The following EFHD1 variants were observed in gnomAD, a reference collection of about 807,000 sequenced individuals.
EFHD1 encodes EF-hand domain-containing protein D1.
A neutral mutation model predicts 17.2 loss-of-function variants in EFHD1; 10 were observed. That is an observed-to-expected ratio of 0.58 (90% confidence interval 0.36 to 0.99). EFHD1 has a LOEUF of 0.99. Ranked by LOEUF, EFHD1 falls within the 50% of genes least tolerant of loss-of-function variation. EFHD1 has a pLI of 0.01. For synonymous variants in EFHD1, 153 were observed against 142.0 expected (o/e 1.08, Z -0.55); for missense variants, 310 against 327.5 (o/e 0.95, Z 0.41).
At position 232,662,913 on chromosome 2, in the gene EFHD1, G is replaced by A. The variant is rs746700233; in HGVS notation, c.414G>A (p.Val138=). ...HLGLKSMIKE[V]DEDFDGKLSF... Reference sequence around the variant, plus strand: ...GCCTGAAGAGCATGATCAAGGAGGTGGATGAGGACTTCGATGGCAAGCTCA... The same window carrying A: ...GCCTGAAGAGCATGATCAAGGAGGTAGATGAGGACTTCGATGGCAAGCTCA... The change falls in exon 2 of 4, where the codon GTG becomes GTA. Residue 138 remains valine, a synonymous_variant. Transcript: ENST00000264059. 8.8e-6 allele frequency: 14 copies of A among 1,593,252 alleles called. No individual in the cohort carries two copies. Among genetic ancestry groups the A allele is most frequent in the Non-Finnish European group, 1.1e-5 (13 of 1,172,326 alleles).
upstream of EFHD1, among the ~76,000 whole-genome samples, chr2:232,631,278 C>T (rs1276533003): frequency 6.6e-6 from 1 of 151,476 alleles, no homozygotes; most frequent in Non-Finnish European, 1.5e-5. Context: ...CTCTCTCTCT[C>T]TCTTTCTTTC....
At chr2:232,610,732 C>G (rs1693801311) in intron 1 of EFHD1, 1 of 152,044 alleles carries the variant, frequency 6.6e-6, no homozygotes, top group African/African-American at 2.4e-5. Flanking sequence ...AAAAAATTAC[C>G]TGGGTGTGGT....
At chr2:232,614,057 T>TACACATGCACACACATACATATAC (rs144688838) in intron 1 of EFHD1, among the ~76,000 whole-genome samples, 89,627 of 149,774 alleles carry the variant, frequency 0.6, 27,129 homozygotes, top group East Asian at 0.68. Context: ...CACACATACA[T>TACACATGCACACACATACATATAC]ACACATGCAC....
intron 1 of EFHD1, among the ~76,000 whole-genome samples, chr2:232,639,040 G>T (rs535118624): frequency 1.3e-5 from 2 of 152,132 alleles, no homozygotes; most frequent in African/African-American, 4.8e-5. Flanking sequence ...TTGCCAGCAC[G>T]CATGATTAAC....
intron 1 of EFHD1, among the ~76,000 whole-genome samples, chr2:232,659,956 C>T (rs1469253989): frequency 1.3e-5 from 2 of 152,024 alleles, no homozygotes; most frequent in Non-Finnish European, 2.9e-5. Flanking sequence ...CCAGGTCTTG[C>T]AAGAACTCAC....
intron 1 of EFHD1, among the ~76,000 whole-genome samples, chr2:232,627,034 C>CTA (rs1169218389): frequency 3.1e-5 from 2 of 64,186 alleles, no homozygotes; most frequent in East Asian, 1.1e-3. Context: ...CTCTCTCTCT[C>CTA]TCTATATATA....
chr2:232,625,658 G>T (rs1694093357), intron 1 of EFHD1, among the ~76,000 whole-genome samples: 1 of 152,040 alleles, frequency 6.6e-6, no homozygotes, highest in East Asian at 1.9e-4. Flanking sequence ...AAAGAAATAA[G>T]GTAGATTAAT....
chr2:232,618,457 G>A (rs375428324), intron 1 of EFHD1, among the ~76,000 whole-genome samples: 39 of 151,906 alleles, frequency 2.6e-4, no homozygotes, highest in Middle Eastern at 3.4e-3. Flanking sequence ...GTGTGGTGGC[G>A]TGCGCCTATA....
At chr2:232,609,635 C>A (rs995339492) in intron 1 of EFHD1, among the ~76,000 whole-genome samples, 1 of 152,076 alleles carries the variant, frequency 6.6e-6, no homozygotes, top group Non-Finnish European at 1.5e-5. Flanking sequence ...GAAGTCTCGG[C>A]CTCCTCACCT....
chr2:232,675,938 G>A (rs1339145902), intron 3 of EFHD1, among the ~76,000 whole-genome samples: 1 of 152,156 alleles, frequency 6.6e-6, no homozygotes, highest in African/African-American at 2.4e-5. Flanking sequence ...CACTTTAGGA[G>A]GGTGAGGTGG....
At chr2:232,641,488 G>A (rs1694430500) in intron 1 of EFHD1, among the ~76,000 whole-genome samples, 2 of 152,240 alleles carry the variant, frequency 1.3e-5, no homozygotes, top group Admixed American at 6.5e-5. Context: ...GAGATGGGCT[G>A]TGTGACTTCC....
intron 1 of EFHD1, 174 bp from the exon 2 acceptor site, chr2:232,662,628 G>A (rs1426367673): frequency 1.4e-6 from 1 of 720,804 alleles, no homozygotes; most frequent in Non-Finnish European, 2.1e-6. Context: ...GTCATACAAA[G>A]CCCTGAAGCG....
At chr2:232,641,031 T>C (rs1694422046) in intron 1 of EFHD1, among the ~76,000 whole-genome samples, 1 of 151,984 alleles carries the variant, frequency 6.6e-6, no homozygotes, top group East Asian at 1.9e-4. Flanking sequence ...CTTCTCATGG[T>C]GGGAGTTAGT....
chr2:232,675,101 G>A (rs1463851079), intron 3 of EFHD1, among the ~76,000 whole-genome samples: 2 of 151,796 alleles, frequency 1.3e-5, no homozygotes. Flanking sequence ...GCTTGAACCC[G>A]GGAGGCGGAG....
chr2:232,661,568 C>CTTTTTTTTT, intron 1 of EFHD1: 1 of 117,692 alleles, frequency 8.5e-6, no homozygotes, highest in Non-Finnish European at 1.7e-5. Flanking sequence ...ACCACCACCC[C>CTTTTTTTTT]TTTTTTTTTT....
chr2:232,627,747 CTCTCT>C (rs1694134033), intron 1 of EFHD1, among the ~76,000 whole-genome samples: 2 of 152,152 alleles, frequency 1.3e-5, no homozygotes, highest in South Asian at 2.1e-4. Context: ...AAAACAATGC[CTCTCT>C]TCTCTCTTCT....
At chr2:232,636,885 A>G (rs1694328295) in intron 1 of EFHD1, among the ~76,000 whole-genome samples, 2 of 152,166 alleles carry the variant, frequency 1.3e-5, no homozygotes, top group African/African-American at 4.8e-5. Flanking sequence ...CACTTTGCTG[A>G]GTCCACTTTA....
In EFHD1 at chr2:232,661,080, G is replaced by A. The variant is rs190654738; in HGVS notation, c.303-1722G>A. The stretch of plus-strand genomic sequence containing the variant: ...CTAGAAACGCTTGAACCTGAGAGGC[G>A]GAGGTTGCAGTGAGCAGAGATCGTG... On this transcript the variant is annotated intron_variant, in intron 1 of 3. Transcript: ENST00000264059. Among the ~76,000 whole-genome samples the A allele has an allele frequency of 1.2e-3, 186 of 151,964 alleles. 1 individual carries two copies. Among genetic ancestry groups the A allele is most frequent in the African/African-American group, 3.9e-3 (163 of 41,458 alleles).
upstream of EFHD1, among the ~76,000 whole-genome samples, chr2:232,631,461 ATTTTATTTTTATT>A (rs1001771045): frequency 6.6e-6 from 1 of 151,062 alleles, no homozygotes; most frequent in Admixed American, 6.6e-5. Flanking sequence ...GTTGTTTTTT[ATTTTATTTTTATT>A]TTTTATTTTA....
Sources: gnomAD v4.1 joint callset for allele counts (sites outside exome capture counted in the v4.1 genomes callset) on GRCh38, gnomAD v4.1.1 for gene constraint, MANE v1.5 for transcripts, NCBI Gene and HGNC (gene_info 2026-07-23, HGNC 2026-07-21) for gene names.